Variants in FRMD6 observed in about 807,000 individuals in gnomAD.
FRMD6 encodes FERM domain-containing protein 6.
Under a neutral mutation model 73.2 loss-of-function variants are expected in FRMD6, and 37 were observed. The observed-to-expected ratio is 0.51, with a 90% CI of 0.39 to 0.66. The LOEUF is 0.66. FRMD6 is among the 30% of genes least tolerant of loss of function. The pLI is 0.00. For missense variants in FRMD6, 714 were observed against 780.5 expected, an observed-to-expected ratio of 0.91 and a Z score of 1.02; for synonymous variants, 273 against 282.2, an observed-to-expected ratio of 0.97 and a Z score of 0.33.
intron 1 of FRMD6, among the ~76,000 whole-genome samples, chr14:51,686,520 T>C (rs532992415): frequency 6.6e-6 from 1 of 152,062 alleles, no homozygotes; most frequent in Non-Finnish European, 1.5e-5. Context: ...AAAGTTCCAG[T>C]GGGGGAATTG....
the FRMD6 span, among the ~76,000 whole-genome samples, chr14:51,407,266 G>A: frequency 6.6e-6 from 1 of 151,824 alleles, no homozygotes; most frequent in Non-Finnish European, 1.5e-5. Context: ...CAGTAAGATT[G>A]GCATGTAATA....
At chr14:51,467,312 G>C in the FRMD6 span, among the ~76,000 whole-genome samples, 1 of 152,216 alleles carries the variant, frequency 6.6e-6, no homozygotes, top group Non-Finnish European at 1.5e-5. Flanking sequence ...AGCATCCCAA[G>C]GCAGAAGAAT....
In FRMD6 at chr14:51,672,886, C is replaced by T. The variant is rs73294751; in HGVS notation, c.-146-16805C>T. On this transcript the variant is annotated intron_variant, in intron 1 of 13. Coordinates refer to ENST00000344768, the MANE Select transcript of FRMD6 (RefSeq NM_001267046.2). ...GATGAATGAACCCATTCATTGGGTT[C>T]GATTTTTCATGGAGGATAAGTGTAG... Among the ~76,000 whole-genome samples, 1,029 of 152,060 alleles carry T rather than the reference C, an allele frequency of 6.8e-3. 16 individuals carry two copies. The highest frequency in any genetic ancestry group is 0.024 in the African/African-American group (980 of 41,484).
intron 1 of FRMD6, among the ~76,000 whole-genome samples, chr14:51,667,378 T>C (rs191216400): frequency 2.0e-5 from 3 of 152,276 alleles, no homozygotes; most frequent in East Asian, 1.9e-4. Context: ...TGAAGTAATA[T>C]GGTATCCTGA....
At chr14:51,623,433 G>A (rs1250171978) in intron 2 of FRMD6, among the ~76,000 whole-genome samples, 5 of 152,140 alleles carry the variant, frequency 3.3e-5, no homozygotes, top group African/African-American at 1.2e-4. Flanking sequence ...TAGACCTCTG[G>A]TTGGTCACTC....
chr14:51,520,730 T>G (rs1884910120), intron 1 of FRMD6, among the ~76,000 whole-genome samples: 1 of 151,980 alleles, frequency 6.6e-6, no homozygotes, highest in African/African-American at 2.4e-5. Context: ...AAACTCCATT[T>G]CTACAAAAAA....
chr14:51,603,929 A>G (rs575354752), intron 2 of FRMD6, among the ~76,000 whole-genome samples: 4 of 126,492 alleles, frequency 3.2e-5, no homozygotes, highest in Admixed American at 9.1e-5. Flanking sequence ...TTCCACGGTA[A>G]TTTCTCTTGT....
Position 51,682,036 on chromosome 14 carries a change from A to G in FRMD6, c.-146-7655A>G, listed in dbSNP as rs374407905. ...GAGGACTATTCACCCACACATTAGTATGCAAGATGAGATATTCCTTTGTTG... is the reference window on the plus strand; with the variant it reads ...GAGGACTATTCACCCACACATTAGTGTGCAAGATGAGATATTCCTTTGTTG... On this transcript the variant is annotated intron_variant, in intron 1 of 13. Coordinates refer to ENST00000344768, the MANE Select transcript of FRMD6 (RefSeq NM_001267046.2). Among the ~76,000 whole-genome samples, 13 of 152,330 alleles carry G rather than the reference A, an allele frequency of 8.5e-5. No homozygotes were observed. In the East Asian group the frequency reaches 2.5e-3, roughly 29 times the overall value.
intron 2 of FRMD6, among the ~76,000 whole-genome samples, chr14:51,600,412 G>C (rs1413257907): frequency 6.6e-6 from 1 of 152,152 alleles, no homozygotes; most frequent in African/African-American, 2.4e-5. Flanking sequence ...CTATAACCAA[G>C]GTGAGAAAGG....
At chr14:51,570,495 T>C (rs888817652) in intron 2 of FRMD6, 4 of 152,224 alleles carry the variant, frequency 2.6e-5, no homozygotes, top group African/African-American at 9.7e-5. Context: ...GTGTCAGCCT[T>C]AGACAGATCT....
chr14:51,530,806 G>A (rs1176460049), intron 1 of FRMD6, among the ~76,000 whole-genome samples: 2 of 152,150 alleles, frequency 1.3e-5, no homozygotes, highest in Non-Finnish European at 1.5e-5. Flanking sequence ...TTATTAATTA[G>A]AAAAGGACAA....
At chr14:51,596,747 C>A (rs183115206) in intron 2 of FRMD6, among the ~76,000 whole-genome samples, 1 of 152,054 alleles carries the variant, frequency 6.6e-6, no homozygotes, top group Non-Finnish European at 1.5e-5. Flanking sequence ...AGAGCCCCAC[C>A]GCCTGGTTCA....
chr14:51,675,825 G>A (rs917787898), intron 1 of FRMD6, among the ~76,000 whole-genome samples: 3 of 152,018 alleles, frequency 2.0e-5, no homozygotes, highest in African/African-American at 7.2e-5. Flanking sequence ...AAATGCTGCT[G>A]CTTTGAGTGT....
intron 2 of FRMD6, among the ~76,000 whole-genome samples, chr14:51,605,498 C>A (rs1890220601): frequency 6.6e-6 from 1 of 152,166 alleles, no homozygotes. Flanking sequence ...AATGTCTCCA[C>A]ACGTGAAGTA....
At chr14:51,435,210 A>G in the FRMD6 span, among the ~76,000 whole-genome samples, 1 of 152,216 alleles carries the variant, frequency 6.6e-6, no homozygotes, top group Non-Finnish European at 1.5e-5. Flanking sequence ...GATGTGGTCA[A>G]GAAAACTGGG....
At chr14:51,420,899 G>A in the FRMD6 span, among the ~76,000 whole-genome samples, 1 of 152,046 alleles carries the variant, frequency 6.6e-6, no homozygotes, top group African/African-American at 2.4e-5. Flanking sequence ...TCAGCCTCCC[G>A]ATTAGCTGGG....
At chr14:51,525,875 T>G (rs1234000456) in intron 1 of FRMD6, among the ~76,000 whole-genome samples, 2 of 152,140 alleles carry the variant, frequency 1.3e-5, no homozygotes, top group African/African-American at 4.8e-5. Flanking sequence ...GACTCTGCCC[T>G]CAGGAAGTTG....
intron 1 of FRMD6, among the ~76,000 whole-genome samples, chr14:51,508,689 C>G (rs1241772813): frequency 6.6e-6 from 1 of 152,198 alleles, no homozygotes; most frequent in African/African-American, 2.4e-5. Context: ...TGCGGCCCAT[C>G]CTGAGCACTC....
chr14:51,477,591 G>A, the FRMD6 span, among the ~76,000 whole-genome samples: 1 of 152,110 alleles, frequency 6.6e-6, no homozygotes, highest in African/African-American at 2.4e-5. Context: ...GCTGACAGAT[G>A]CTGTTGAAAA....
Sources: gnomAD v4.1 joint callset for allele counts (sites outside exome capture counted in the v4.1 genomes callset) on GRCh38, gnomAD v4.1.1 for gene constraint, MANE v1.5 for transcripts, NCBI Gene and HGNC (gene_info 2026-07-23, HGNC 2026-07-21) for gene names.